Variants in AAK1 observed in about 807,000 individuals in gnomAD.
The protein encoded by AAK1 is AP2 associated kinase 1, also known as AP2-associated protein kinase 1.
In AAK1, 37 loss-of-function variants were observed where a neutral mutation model predicts 116.0. The ratio of observed to expected loss-of-function variants is 0.32; its 90% CI spans 0.25 to 0.42. AAK1 has a LOEUF of 0.42. Among genes scored for constraint, AAK1 ranks in the 10% least tolerant of loss-of-function variants. AAK1 has a pLI of 1.00. For synonymous variants in AAK1, 458 were observed against 439.9 expected (o/e 1.04, Z -0.51); for missense variants, 919 against 1,170.6 (o/e 0.79, Z 3.14).
chr2:69,590,294 T>C (rs1351804547), intron 2 of AAK1, among the ~76,000 whole-genome samples: 2 of 152,244 alleles, frequency 1.3e-5, no homozygotes, highest in Non-Finnish European at 2.9e-5. Flanking sequence ...TTCGTTGGTA[T>C]TTTATCACAA....
intron 20 of AAK1, chr2:69,478,505 T>A (rs767778651): frequency 1.2e-5 from 2 of 160,410 alleles, no homozygotes; most frequent in Non-Finnish European, 2.7e-5. Flanking sequence ...CAGGCTGGAG[T>A]GCAGTGGTGC....
intron 5 of AAK1, among the ~76,000 whole-genome samples, chr2:69,532,486 C>T (rs1670299238): frequency 6.6e-6 from 1 of 152,148 alleles, no homozygotes; most frequent in African/African-American, 2.4e-5. Flanking sequence ...CTGACCTGTG[C>T]CTTTGCTCTT....
chr2:69,532,480 C>G (rs1670298919), intron 5 of AAK1, among the ~76,000 whole-genome samples: 1 of 152,166 alleles, frequency 6.6e-6, no homozygotes, highest in African/African-American at 2.4e-5. Context: ...AAGCCTCTGA[C>G]CTGTGCCTTT....
chr2:69,597,278 G>T (rs149144460), intron 2 of AAK1: 4 of 152,268 alleles, frequency 2.6e-5, no homozygotes, highest in African/African-American at 9.6e-5. Context: ...TCATTGACAA[G>T]AAATTAATCA....
chr2:69,553,697 C>T lies in AAK1; in HGVS notation c.282+3163G>A, dbSNP rs112086857. Among the ~76,000 whole-genome samples, 266 of 151,762 alleles carry T rather than the reference C, an allele frequency of 1.8e-3. 3 individuals carry two copies. Among genetic ancestry groups the T allele is most frequent in the Non-Finnish European group, 3.1e-3 (210 of 67,904 alleles). ...GACCTCGTGATCTGCCCACCTTGGCCGCCCAAAGTGCTGGGATTACGGGCA... is the reference window on the plus strand; with the variant it reads ...GACCTCGTGATCTGCCCACCTTGGCTGCCCAAAGTGCTGGGATTACGGGCA... On this transcript the variant is annotated intron_variant, in intron 3 of 21. Coordinates refer to ENST00000409085, the MANE Select transcript of AAK1 (RefSeq NM_014911.5).
At chr2:69,608,520 G>T (rs550653215) in intron 2 of AAK1, among the ~76,000 whole-genome samples, 2 of 152,132 alleles carry the variant, frequency 1.3e-5, no homozygotes, top group African/African-American at 4.8e-5. Context: ...TTAAGTAAGT[G>T]GTTTTTAAAA....
chr2:69,605,788 T>C (rs771075278), intron 2 of AAK1, among the ~76,000 whole-genome samples: 27 of 152,186 alleles, frequency 1.8e-4, no homozygotes, highest in Admixed American at 5.2e-4. Context: ...TTTATAGTCA[T>C]CCTCCGCTCC....
intron 2 of AAK1, among the ~76,000 whole-genome samples, chr2:69,640,053 A>ACACCCTCTCT (rs1343518565): frequency 1.1e-5 from 1 of 92,742 alleles, no homozygotes; most frequent in African/African-American, 4.9e-5. Context: ...ACACACACAC[A>ACACCCTCTCT]CTCTCTCTCT....
Position 69,474,761 on chromosome 2 carries a change from CAT to C in AAK1, c.*1106_*1107del. Reference sequence around the variant, plus strand: ...CACACAAGTCTATTCAAAATGATTCCATATGTTACACTGTAGGATTGTTGTGT... The same window carrying C: ...CACACAAGTCTATTCAAAATGATTCCATGTTACACTGTAGGATTGTTGTGT... On this transcript the variant is annotated 3_prime_UTR_variant, in exon 22 of 22. Transcript: ENST00000409085. The C allele has an allele frequency of 4.1e-6, 4 of 985,668 alleles. No homozygotes were observed. Among genetic ancestry groups the C allele is most frequent in the Non-Finnish European group, 4.8e-6 (4 of 829,892 alleles). The allele number at this position is 985,668 out of a possible 1,614,324, so 61.1% of individuals were successfully genotyped here.
intron 16 of AAK1, 54 bp from the exon 17 acceptor site, chr2:69,496,134 C>T (rs1453109495): frequency 7.9e-7 from 1 of 1,273,770 alleles, no homozygotes; most frequent in Non-Finnish European, 1.1e-6. Flanking sequence ...AAGAGAAAAG[C>T]AATAACACCA....
intron 2 of AAK1, among the ~76,000 whole-genome samples, chr2:69,567,053 A>G (rs1458323763): frequency 2.0e-5 from 3 of 152,188 alleles, no homozygotes. Context: ...TCCCAGAGTG[A>G]TGTGGTCTCT....
intron 19 of AAK1, among the ~76,000 whole-genome samples, chr2:69,479,778 C>T (rs753897998): frequency 3.3e-5 from 5 of 152,132 alleles, no homozygotes; most frequent in African/African-American, 9.7e-5. Context: ...CTTTTTGAGA[C>T]GGAGTCTCGC....
chr2:69,547,184 T>C (rs1277091379), intron 3 of AAK1, among the ~76,000 whole-genome samples: 1 of 152,158 alleles, frequency 6.6e-6, no homozygotes, highest in East Asian at 1.9e-4. Context: ...TACGTGCAAA[T>C]CTTTGTGACT....
chr2:69,513,393 C>T (rs972701688), intron 13 of AAK1, among the ~76,000 whole-genome samples: 45 of 152,018 alleles, frequency 3.0e-4, no homozygotes, highest in African/African-American at 9.9e-4. Context: ...GATCTCCACT[C>T]ACTGCAAGCT....
chr2:69,484,258 G>A (rs1164233627), intron 17 of AAK1, among the ~76,000 whole-genome samples: 1 of 152,130 alleles, frequency 6.6e-6, no homozygotes, highest in Non-Finnish European at 1.5e-5. Context: ...GATATTCATG[G>A]AAAAACAGGA....
At chr2:69,495,017 T>C (rs1675680955) in intron 17 of AAK1, among the ~76,000 whole-genome samples, 1 of 152,092 alleles carries the variant, frequency 6.6e-6, no homozygotes, top group Non-Finnish European at 1.5e-5. Flanking sequence ...CTTTAACATT[T>C]TGGGAGAGAA....
chr2:69,610,579 G>C (rs1004642137), intron 2 of AAK1, among the ~76,000 whole-genome samples: 3 of 152,184 alleles, frequency 2.0e-5, no homozygotes, highest in African/African-American at 7.2e-5. Context: ...CCATGGAATG[G>C]AAGGAAATAC....
Position 69,530,725 on chromosome 2 carries a change from T to C in AAK1, c.657-19A>G. On this transcript the variant is annotated intron_variant, in intron 6 of 21. Coordinates refer to ENST00000409085, the MANE Select transcript of AAK1 (RefSeq NM_014911.5). ...TGTGTATCTACAATCAAGAGATTCA[T>C]TTTTTATTAAATATGTCAATACTAT... The C allele has an allele frequency of 6.3e-7, 1 of 1,579,310 alleles. No individual in the cohort carries two copies. Among genetic ancestry groups the C allele is most frequent in the Non-Finnish European group, 8.7e-7 (1 of 1,149,610 alleles).
chr2:69,502,432 A>G (rs1224506542), intron 16 of AAK1, among the ~76,000 whole-genome samples: 2 of 151,974 alleles, frequency 1.3e-5, no homozygotes, highest in Non-Finnish European at 2.9e-5. Flanking sequence ...GACCAGCCTG[A>G]CCAACATGGA....
Sources: gnomAD v4.1 joint callset for allele counts (sites outside exome capture counted in the v4.1 genomes callset) on GRCh38, gnomAD v4.1.1 for gene constraint, MANE v1.5 for transcripts, NCBI Gene and HGNC (gene_info 2026-07-23, HGNC 2026-07-21) for gene names.